THSD7B: variants seen among roughly 807,000 people sequenced by gnomAD.
THSD7B encodes thrombospondin type 1 domain containing 7B, also known as thrombospondin type-1 domain-containing protein 7B.
In THSD7B, 138 loss-of-function variants were observed where a neutral mutation model predicts 213.6. That is an observed-to-expected ratio of 0.65 (90% CI 0.56 to 0.74). The LOEUF is 0.74. THSD7B is among the 30% of genes least tolerant of loss of function. The pLI is 0.00. For synonymous variants in THSD7B, 742 were observed against 687.0 expected, an observed-to-expected ratio of 1.08 and a Z score of -1.25; for missense variants, 1,931 against 1,991.5, an observed-to-expected ratio of 0.97 and a Z score of 0.58.
chr2:137,614,353 G>A (rs911337048), intron 17 of THSD7B, among the ~76,000 whole-genome samples: 1 of 151,998 alleles, frequency 6.6e-6, no homozygotes, highest in African/African-American at 2.4e-5. Flanking sequence ...ATTGTTCAAG[G>A]TTACATAGTA....
intron 12 of THSD7B, among the ~76,000 whole-genome samples, chr2:137,277,714 C>G (rs1160223715): frequency 6.6e-6 from 1 of 152,038 alleles, no homozygotes; most frequent in African/African-American, 2.4e-5. Context: ...CAGGATTACA[C>G]CTAAGTGTTG....
At chr2:137,498,545 A>T (rs1679626775) in intron 15 of THSD7B, among the ~76,000 whole-genome samples, 1 of 152,090 alleles carries the variant, frequency 6.6e-6, no homozygotes, top group African/African-American at 2.4e-5. Context: ...TAAGCTTCAG[A>T]GTCTACTGGC....
intron 5 of THSD7B, among the ~76,000 whole-genome samples, chr2:137,117,093 A>G (rs533369430): frequency 1.1e-4 from 16 of 152,212 alleles, no homozygotes; most frequent in Non-Finnish European, 2.1e-4. Context: ...ACTATGCTGG[A>G]TAACACAGCA....
chr2:137,291,461 A>C (rs1412572108), intron 12 of THSD7B, among the ~76,000 whole-genome samples: 4 of 152,202 alleles, frequency 2.6e-5, no homozygotes, highest in Non-Finnish European at 5.9e-5. Context: ...ATGTTTGCTC[A>C]ATAAATATTA....
intron 3 of THSD7B, among the ~76,000 whole-genome samples, chr2:137,059,887 A>G (rs1264969439): frequency 6.6e-6 from 1 of 152,182 alleles, no homozygotes; most frequent in Non-Finnish European, 1.5e-5. Context: ...TTGGGTTAAT[A>G]TCAAGTAGTG....
intron 1 of THSD7B, among the ~76,000 whole-genome samples, chr2:136,790,133 G>T (rs1681941320): frequency 6.6e-6 from 1 of 151,578 alleles, no homozygotes; most frequent in African/African-American, 2.4e-5. Context: ...GTGTGTGTGT[G>T]TGTGTGTGTT....
chr2:136,919,733 T>A (rs1020051369), intron 2 of THSD7B, among the ~76,000 whole-genome samples: 16 of 152,202 alleles, frequency 1.1e-4, no homozygotes, highest in African/African-American at 3.6e-4. Context: ...TGGCTCACAC[T>A]ACTGGCCTGG....
chr2:136,971,639 T>TACACACACACACACACACACAC lies in THSD7B; in HGVS notation c.140-84770_140-84749dup, dbSNP rs6146927. On this transcript the variant is annotated intron_variant, in intron 2 of 27. Coordinates refer to ENST00000409968, the MANE Select transcript of THSD7B (RefSeq NM_001316349.2). ...AAGTCACTGGTTTAACAACAACAAATACACACACACACACACACACACACA... is the reference window on the plus strand; with the variant it reads ...AAGTCACTGGTTTAACAACAACAAATACACACACACACACACACACACACACACACACACACACACACACACA... Among the ~76,000 whole-genome samples, 263 of 135,354 alleles carry TACACACACACACACACACACAC rather than the reference T, an allele frequency of 1.9e-3. 5 individuals carry two copies. Among genetic ancestry groups the TACACACACACACACACACACAC allele is most frequent in the Non-Finnish European group, 3.1e-3 (198 of 63,684 alleles). The allele number at this position is 135,354 out of a possible 152,430, so 88.8% of individuals were successfully genotyped here.
chr2:137,209,711 A>C (rs1457221455), intron 7 of THSD7B, among the ~76,000 whole-genome samples: 2 of 151,488 alleles, frequency 1.3e-5, no homozygotes, highest in African/African-American at 4.8e-5. Flanking sequence ...AAAGTTAGAC[A>C]AGTTACCACG....
intron 1 of THSD7B, among the ~76,000 whole-genome samples, chr2:136,809,872 T>G (rs61273927): frequency 0.13 from 19,361 of 152,054 alleles, 1,363 homozygotes; most frequent in South Asian, 0.21. Flanking sequence ...CACCATTGCA[T>G]AGTTTGTGCA....
intron 2 of THSD7B, among the ~76,000 whole-genome samples, chr2:136,985,998 G>A (rs1286876815): frequency 6.6e-6 from 1 of 152,160 alleles, no homozygotes; most frequent in Non-Finnish European, 1.5e-5. Flanking sequence ...GGGTCTTGTA[G>A]CCCCTTTCTT....
chr2:137,070,946 T>G (rs187220182), intron 3 of THSD7B, among the ~76,000 whole-genome samples: 1 of 152,364 alleles, frequency 6.6e-6, no homozygotes, highest in East Asian at 1.9e-4. Context: ...CCACATTTTC[T>G]TAATCCAATC....
At chr2:137,391,004 G>GT (rs1553445744) in intron 12 of THSD7B, among the ~76,000 whole-genome samples, 10 of 151,992 alleles carry the variant, frequency 6.6e-5, no homozygotes, top group East Asian at 1.9e-4. Flanking sequence ...GTGTGTGTGT[G>GT]TGTTGTTGTT....
At chr2:137,339,605 A>G (rs551234743) in intron 12 of THSD7B, among the ~76,000 whole-genome samples, 3 of 152,086 alleles carry the variant, frequency 2.0e-5, no homozygotes, top group African/African-American at 7.2e-5. Context: ...TGATCTCTCA[A>G]TGACAGCAAT....
At chr2:137,151,628 A>G (rs1230176589) in intron 5 of THSD7B, among the ~76,000 whole-genome samples, 1 of 152,162 alleles carries the variant, frequency 6.6e-6, no homozygotes, top group Non-Finnish European at 1.5e-5. Context: ...GGTAAGTAGA[A>G]GGAGTACACT....
intron 2 of THSD7B, among the ~76,000 whole-genome samples, chr2:136,912,545 A>G (rs1684280477): frequency 6.6e-6 from 1 of 151,938 alleles, no homozygotes; most frequent in Non-Finnish European, 1.5e-5. Context: ...ATTAATTGTT[A>G]TGGTTTAGCT....
chr2:136,856,276 G>C (rs552605813), intron 1 of THSD7B, among the ~76,000 whole-genome samples: 3 of 152,220 alleles, frequency 2.0e-5, no homozygotes, highest in African/African-American at 7.2e-5. Context: ...TTGGGAGGAT[G>C]GGACTGTTAG....
At chr2:137,087,687 G>T (rs1210436951) in intron 3 of THSD7B, among the ~76,000 whole-genome samples, 1 of 152,184 alleles carries the variant, frequency 6.6e-6, no homozygotes, top group East Asian at 1.9e-4. Context: ...CATGCTTATG[G>T]ATGGGTAGAA....
At chr2:136,888,247 G>A (rs559281452) in intron 2 of THSD7B, among the ~76,000 whole-genome samples, 1 of 152,174 alleles carries the variant, frequency 6.6e-6, no homozygotes, top group South Asian at 2.1e-4. Context: ...AATAAAAAGG[G>A]TGAGGATAAT....
Sources: gnomAD v4.1 joint callset for allele counts (sites outside exome capture counted in the v4.1 genomes callset) on GRCh38, gnomAD v4.1.1 for gene constraint, MANE v1.5 for transcripts, NCBI Gene and HGNC (gene_info 2026-07-23, HGNC 2026-07-21) for gene names.